KMT2C: variants seen among roughly 807,000 people sequenced by gnomAD.
The protein encoded by KMT2C is histone-lysine N-methyltransferase 2C.
KMT2C carries 88 observed loss-of-function variants against 507.9 expected under a neutral mutation model. The observed-to-expected ratio is 0.17, with a 90% confidence interval of 0.15 to 0.21. The LOEUF (loss-of-function observed/expected upper bound fraction) is 0.21, where lower values mean the gene tolerates loss of function less well. KMT2C is among the 10% of genes least tolerant of loss of function. The probability of loss-of-function intolerance (pLI) is 1.00; values close to 1 mark genes in which losing one functional copy is unlikely to be tolerated. For missense variants in KMT2C, 4,954 were observed against 5,957.8 expected (o/e 0.83, Z 5.55); for synonymous variants, 2,049 against 2,080.8 (o/e 0.98, Z 0.42).
At chr7:152,150,114 A>G (rs2091484347) in intron 51 of KMT2C, among the ~76,000 whole-genome samples, 2 of 152,216 alleles carry the variant, frequency 1.3e-5, no homozygotes, top group African/African-American at 4.8e-5. Flanking sequence ...ACTGTACAGG[A>G]AAAGCTTCCT....
At chr7:152,163,940 G>A in intron 42 of KMT2C, 114 bp from the exon 43 acceptor site, 1 of 959,632 alleles carries the variant, frequency 1.0e-6, no homozygotes, top group Non-Finnish European at 1.6e-6. Flanking sequence ...CCCTGCAGAA[G>A]CAAACATATT....
rs1051880482 is a variant in KMT2C at position 152,388,109 on chromosome 7, T to A, written c.162-29434A>T. ...ATGTAACCTCTTCAAAAAAAAAAAA[T>A]AAATAAATAAAAATAAAATAAAAAA... On this transcript the variant is annotated intron_variant, in intron 1 of 58. Transcript: ENST00000262189. 1.3e-3 allele frequency among the ~76,000 whole-genome samples: 187 copies of A among 139,558 alleles called. 1 individual carries two copies. The highest frequency in any genetic ancestry group is 3.3e-3 in the Admixed American group (46 of 13,976). 91.6% of individuals were successfully genotyped at this position (139,558 alleles called of 152,430 possible).
chr7:152,281,556 AC>A (rs1321803927), intron 6 of KMT2C, among the ~76,000 whole-genome samples: 1 of 152,192 alleles, frequency 6.6e-6, no homozygotes, highest in Non-Finnish European at 1.5e-5. Context: ...ACATGGTGAG[AC>A]CCCGTTTCTA....
chr7:152,401,202 T>C (rs1262053575), intron 1 of KMT2C, among the ~76,000 whole-genome samples: 1 of 151,124 alleles, frequency 6.6e-6, no homozygotes, highest in African/African-American at 2.4e-5. Flanking sequence ...TCTCCCTGCC[T>C]CAGCCTCCCA....
At chr7:152,262,742 A>T (rs1038978147) in intron 9 of KMT2C, among the ~76,000 whole-genome samples, 2 of 152,234 alleles carry the variant, frequency 1.3e-5, no homozygotes, top group African/African-American at 4.8e-5. Flanking sequence ...GGAAGTGAAT[A>T]CTAATCTATA....
intron 1 of KMT2C, among the ~76,000 whole-genome samples, chr7:152,421,188 T>A (rs919063769): frequency 6.6e-6 from 1 of 151,972 alleles, no homozygotes; most frequent in Non-Finnish European, 1.5e-5. Flanking sequence ...AAAACCACAA[T>A]GAGATACCAT....
In KMT2C at chr7:152,435,749, T is replaced by C. The variant is rs866392536; in HGVS notation, c.38A>G (p.Gln13Arg). 2 of 1,502,632 alleles carry C rather than the reference T, an allele frequency of 1.3e-6. No individual in the cohort carries two copies. The highest frequency in any genetic ancestry group is 2.7e-5 in the East Asian group (1 of 36,418). The allele number at this position is 1,502,632 out of a possible 1,614,324, so 93.1% of individuals were successfully genotyped here. Residue 13 changes from glutamine (Q) to arginine (R), a missense_variant, in exon 1 of 59, where the codon CAG (glutamine) becomes CGG (arginine). Physicochemically the swap from Gln to Arg is conservative, Grantham distance 43. This residue lies in a region of KMT2C where 51 missense variants were observed against 43.5 expected (regional missense o/e 1.17). Coordinates refer to ENST00000262189, the MANE Select transcript of KMT2C (RefSeq NM_170606.3). ...CTCCTCGGGGGGTGGTGGCGGCGGCTGCGGCTGCTCCACGCTCTTGTCCTC... is the reference window on the plus strand; with the variant it reads ...CTCCTCGGGGGGTGGTGGCGGCGGCCGCGGCTGCTCCACGCTCTTGTCCTC... The part of the protein sequence containing the change: ...SEEDKSVEQP[Q>R]PPPPPPEEPG...
At chr7:152,179,673 G>T (rs535464025) in intron 37 of KMT2C, among the ~76,000 whole-genome samples, 161 bp downstream of exon 37, 4 of 93,882 alleles carry the variant, frequency 4.3e-5, no homozygotes, top group Admixed American at 1.1e-4. Flanking sequence ...GGGGGGGGGG[G>T]GTGGTCTCAC....
rs369624126 is a variant in KMT2C, at chr7:152,176,622, G to T, written c.8831C>A (p.Pro2944Gln). 1.9e-6 allele frequency: 3 copies of T among 1,614,178 alleles called. No homozygotes were observed. In the Admixed American group the frequency reaches 5.0e-5, roughly 27 times the overall value. The change falls in exon 38 of 59, where the codon CCG becomes CAG. Residue 2944 changes from proline to glutamine, a missense_variant. By Grantham distance (76) the Pro-to-Gln change is moderately conservative (BLOSUM62 -1). Transcript: ENST00000262189. ...TGACACATGATTGGATGGGGAGGCC[G>T]GCAGAGTTGGTGGTGGTGGAGACCC... ...PSGSPPPPTL[P>Q]ASPSNHVSSL... is the part of the protein sequence containing the mutation.
At chr7:152,364,737 A>G (rs938534740) in intron 1 of KMT2C, among the ~76,000 whole-genome samples, 10 of 152,198 alleles carry the variant, frequency 6.6e-5, no homozygotes, top group African/African-American at 2.4e-4. Flanking sequence ...TATTCAAAAT[A>G]AAGAACAGTA....
At chr7:152,220,796 C>T (rs1434694266) in intron 22 of KMT2C, 61 bp from the exon 23 acceptor site, 10 of 1,286,224 alleles carry the variant, frequency 7.8e-6, no homozygotes, top group Non-Finnish European at 1.1e-5. Context: ...TGACTGATTA[C>T]TGTTCCAAAA....
intron 14 of KMT2C, among the ~76,000 whole-genome samples, chr7:152,240,618 C>T (rs1261988826): frequency 1.3e-5 from 2 of 152,280 alleles, no homozygotes; most frequent in Non-Finnish European, 2.9e-5. Context: ...CTTAAGTTTG[C>T]CATGTTTAAA....
At chr7:152,197,556 A>G (rs1008649674) in intron 27 of KMT2C, among the ~76,000 whole-genome samples, 4 of 152,190 alleles carry the variant, frequency 2.6e-5, no homozygotes, top group Non-Finnish European at 5.9e-5. Flanking sequence ...TTCAATAATG[A>G]CAACACTGTA....
chr7:152,387,926 T>G, intron 1 of KMT2C, among the ~76,000 whole-genome samples: 1 of 152,062 alleles, frequency 6.6e-6, no homozygotes. Flanking sequence ...TTGTGATGTA[T>G]ACCTTTTCTT....
chr7:152,248,713 T>C, intron 13 of KMT2C, 93 bp from the exon 14 acceptor site: 2 of 695,048 alleles, frequency 2.9e-6, no homozygotes, highest in South Asian at 4.0e-5. Flanking sequence ...ACACTAGAAC[T>C]TAAATCAGAA....
At chr7:152,429,477 A>G (rs542785962) in intron 1 of KMT2C, among the ~76,000 whole-genome samples, 57 of 152,126 alleles carry the variant, frequency 3.7e-4, no homozygotes, top group Non-Finnish European at 5.0e-4. Context: ...CTGCAAATAA[A>G]GGGATCAACA....
At chr7:152,188,079 T>C (rs935126614) in intron 31 of KMT2C, among the ~76,000 whole-genome samples, 1 of 152,198 alleles carries the variant, frequency 6.6e-6, no homozygotes, top group Non-Finnish European at 1.5e-5. Flanking sequence ...TTCTCAGATT[T>C]TGGTTATACC....
Position 152,135,887 on chromosome 7 carries a change from A to AC in KMT2C, c.*944dup. The AC allele has an allele frequency of 4.3e-6, 1 of 231,232 alleles. No homozygotes were observed. The highest frequency in any genetic ancestry group is 8.6e-6 in the Non-Finnish European group (1 of 116,678). The allele number at this position is 231,232 out of a possible 1,614,324, so 14.3% of individuals were successfully genotyped here. On this transcript the variant is annotated 3_prime_UTR_variant, in exon 59 of 59. Coordinates refer to ENST00000262189, the MANE Select transcript of KMT2C (RefSeq NM_170606.3). ...ACTAATAGACTGCGGTTTCCAAAAA[A>AC]CCCCCAACACTCTAGGTTGAAATTT...
At chr7:152,414,624 T>A (rs553644848) in intron 1 of KMT2C, among the ~76,000 whole-genome samples, 48 of 151,998 alleles carry the variant, frequency 3.2e-4, no homozygotes, top group African/African-American at 1.0e-3. Context: ...TTTTTTTTTT[T>A]AGCTGGGATT....
Sources: gnomAD v4.1 joint callset for allele counts (sites outside exome capture counted in the v4.1 genomes callset) on GRCh38, gnomAD v4.1.1 for gene constraint, gnomAD v4.1.1 regional missense constraint, MANE v1.5 for transcripts, NCBI Gene and HGNC (gene_info 2026-07-23, HGNC 2026-07-21) for gene names.